GABRA2: variants seen among roughly 807,000 people sequenced by gnomAD.
GABRA2 encodes gamma-aminobutyric acid receptor subunit alpha-2.
GABRA2 carries 16 observed loss-of-function variants against 48.7 expected under a neutral mutation model. That is an observed-to-expected ratio of 0.33 (90% CI 0.22 to 0.50). GABRA2 has a LOEUF of 0.50. Among genes scored for constraint, GABRA2 ranks in the 20% least tolerant of loss-of-function variants. GABRA2 has a pLI of 0.98. For synonymous variants in GABRA2, 185 were observed against 184.5 expected (o/e 1.00, Z -0.02); for missense variants, 275 against 535.6 (o/e 0.51, Z 4.80).
At chr4:46,265,022 TAGAGAGAG>T (rs143456622) in intron 8 of GABRA2, among the ~76,000 whole-genome samples, 12,435 of 135,530 alleles carry the variant, frequency 0.092, 1,852 homozygotes, top group African/African-American at 0.31. Flanking sequence ...GAGAGAGAGA[TAGAGAGAG>T]AGAGAGAGAG....
intron 8 of GABRA2, among the ~76,000 whole-genome samples, chr4:46,279,822 T>C (rs2109455707): frequency 1.3e-5 from 2 of 152,238 alleles, no homozygotes; most frequent in South Asian, 4.1e-4. Context: ...TTCTAAGAAT[T>C]TAGATTTCTT....
intron 5 of GABRA2, 87 bp downstream of exon 5, chr4:46,312,409 T>A: frequency 2.4e-6 from 2 of 827,994 alleles, no homozygotes; most frequent in Admixed American, 4.6e-5. Context: ...TCAACTTTGT[T>A]AATACTTGAC....
chr4:46,330,591 T>TATATATATATAGAGAG (rs1411755120), intron 4 of GABRA2, among the ~76,000 whole-genome samples: 73 of 122,652 alleles, frequency 6.0e-4, no homozygotes, highest in Middle Eastern at 4.2e-3. Flanking sequence ...TATATATATA[T>TATATATATATAGAGAG]AGAGAGAGAG....
At chr4:46,313,508 C>T (rs902924784) in intron 4 of GABRA2, among the ~76,000 whole-genome samples, 18 of 151,908 alleles carry the variant, frequency 1.2e-4, no homozygotes, top group South Asian at 2.1e-4. Flanking sequence ...GTTACAGACC[C>T]GCTAGTGATC....
rs1363023767 is a variant in GABRA2 at position 46,378,098 on chromosome 4, G to T, written c.187+7976C>A. 2.6e-5 allele frequency among the ~76,000 whole-genome samples: 4 copies of T among 152,072 alleles called. No homozygotes were observed. In the South Asian group the frequency reaches 8.3e-4, roughly 32 times the overall value. ...GGGAGGTGAGGGGCGCCTCTGCCCG[G>T]CCGCCCCTACTGGGAAGTGAGGAGC... is the stretch of plus-strand genomic sequence containing the variant. On this transcript the variant is annotated intron_variant, in intron 3 of 9. Coordinates refer to ENST00000381620, the MANE Select transcript of GABRA2 (RefSeq NM_000807.4).
intron 5 of GABRA2, 94 bp from the exon 6 acceptor site, chr4:46,310,349 C>G (rs1727428890): frequency 1.2e-6 from 1 of 805,044 alleles, no homozygotes. Flanking sequence ...AGAGGTAGAG[C>G]ATTAATCACA....
In GABRA2 at chr4:46,247,004, A is replaced by C. The variant is rs1017802377; in HGVS notation, c.*3304T>G. Among the ~76,000 whole-genome samples, 3 of 151,288 alleles carry C rather than the reference A, an allele frequency of 2.0e-5. No homozygotes were observed. The highest frequency in any genetic ancestry group is 7.2e-5 in the African/African-American group (3 of 41,466). Reference sequence around the variant, plus strand: ...AATTCAAAAAGAGCCACATAAATGCAAATTATACTTACCAAATAATGAGAG... The same window carrying C: ...AATTCAAAAAGAGCCACATAAATGCCAATTATACTTACCAAATAATGAGAG... On this transcript the variant is annotated 3_prime_UTR_variant, in exon 10 of 10. Coordinates refer to ENST00000381620, the MANE Select transcript of GABRA2 (RefSeq NM_000807.4).
intron 8 of GABRA2, among the ~76,000 whole-genome samples, chr4:46,273,934 TG>T (rs1719987696): frequency 6.6e-6 from 1 of 152,050 alleles, no homozygotes; most frequent in Admixed American, 6.6e-5. Flanking sequence ...GGTAACAAAC[TG>T]AAAATTATAC....
chr4:46,347,973 CA>C (rs1467919963), intron 3 of GABRA2, among the ~76,000 whole-genome samples: 4 of 152,030 alleles, frequency 2.6e-5, no homozygotes, highest in Non-Finnish European at 4.4e-5. Context: ...AAACTACCAT[CA>C]GAGTGAACAG....
intron 8 of GABRA2, among the ~76,000 whole-genome samples, chr4:46,299,946 TC>T (rs1725452581): frequency 6.6e-6 from 1 of 151,886 alleles, no homozygotes; most frequent in South Asian, 2.1e-4. Flanking sequence ...ACAATCTACT[TC>T]ATTGGAAAAA....
intron 9 of GABRA2, among the ~76,000 whole-genome samples, chr4:46,255,765 C>A (rs1715686451): frequency 6.6e-6 from 1 of 151,464 alleles, no homozygotes; most frequent in Admixed American, 6.6e-5. Flanking sequence ...ACCCGGATTA[C>A]AGAAATTAAA....
intron 4 of GABRA2, among the ~76,000 whole-genome samples, chr4:46,313,555 G>A (rs1351421297): frequency 1.4e-5 from 2 of 143,996 alleles, no homozygotes; most frequent in Non-Finnish European, 1.5e-5. Context: ...TTTAACTTAC[G>A]TGAAACTCTG....
intron 3 of GABRA2, among the ~76,000 whole-genome samples, chr4:46,378,649 G>T (rs1716320263): frequency 7.0e-6 from 1 of 142,792 alleles, no homozygotes; most frequent in African/African-American, 2.7e-5. Context: ...ACCCAAGAAT[G>T]ATCAATTAAA....
intron 3 of GABRA2, among the ~76,000 whole-genome samples, chr4:46,385,108 T>A (rs1042936440): frequency 7.3e-6 from 1 of 136,806 alleles, no homozygotes; most frequent in South Asian, 2.3e-4. Context: ...TATATATATA[T>A]AAACAAAACT....
intron 4 of GABRA2, among the ~76,000 whole-genome samples, chr4:46,330,585 T>G (rs71609466): frequency 0.32 from 38,076 of 117,262 alleles, 5,367 homozygotes; most frequent in African/African-American, 0.38. Context: ...TATATATATA[T>G]ATATATAGAG....
intron 4 of GABRA2, among the ~76,000 whole-genome samples, chr4:46,318,973 A>G (rs1205215826): frequency 6.6e-6 from 1 of 151,642 alleles, no homozygotes; most frequent in African/African-American, 2.4e-5. Flanking sequence ...AAATTCAATG[A>G]ATTTCCTGTT....
In GABRA2 at chr4:46,252,405, G is replaced by A. The variant is rs377426611; in HGVS notation, c.1060-1801C>T. On this transcript the variant is annotated intron_variant, in intron 9 of 9. Transcript: ENST00000381620. Reference sequence around the variant, plus strand: ...CTTTTTGAGCACTAGAATGTGTCGGGTTGATTGTTAGCCAAGGTGACATCT... The same window carrying A: ...CTTTTTGAGCACTAGAATGTGTCGGATTGATTGTTAGCCAAGGTGACATCT... 5.9e-5 allele frequency among the ~76,000 whole-genome samples: 9 copies of A among 151,590 alleles called. No homozygotes were observed. In the South Asian group the frequency reaches 1.9e-3, roughly 31 times the overall value.
At chr4:46,311,924 C>T (rs1313158471) in intron 5 of GABRA2, among the ~76,000 whole-genome samples, 1 of 152,132 alleles carries the variant, frequency 6.6e-6, no homozygotes, top group Non-Finnish European at 1.5e-5. Flanking sequence ...CATGGCGAAA[C>T]ACCGTCTCTA....
intron 9 of GABRA2, chr4:46,256,125 T>C: frequency 2.2e-6 from 1 of 447,898 alleles, no homozygotes; most frequent in Non-Finnish European, 4.0e-6. Context: ...AATAACAACG[T>C]GCTCATTGGT....
Sources: allele counts gnomAD v4.1 joint callset (sites outside exome capture counted in the v4.1 genomes callset), GRCh38; gene constraint gnomAD v4.1.1; transcripts MANE v1.5; gene names NCBI Gene and HGNC (gene_info 2026-07-23, HGNC 2026-07-21).